COG7: variants seen among roughly 807,000 people sequenced by gnomAD.
The protein encoded by COG7 is component of oligomeric golgi complex 7.
COG7 carries 49 observed loss-of-function variants against 91.5 expected under a neutral mutation model. The observed-to-expected ratio is 0.54, with a 90% CI of 0.43 to 0.68. COG7 has a LOEUF of 0.68. COG7 is among the 30% of genes least tolerant of loss of function. COG7 has a pLI of 0.00. For missense variants in COG7, 895 were observed against 961.3 expected (o/e 0.93, Z 0.91); for synonymous variants, 365 against 388.7 (o/e 0.94, Z 0.72).
intron 15 of COG7, 110 bp from the exon 16 acceptor site, chr16:23,392,633 A>G: frequency 7.4e-7 from 1 of 1,343,724 alleles, no homozygotes; most frequent in Non-Finnish European, 1.1e-6. Flanking sequence ...GAAACCGAAA[A>G]CAGTTACATC....
intron 3 of COG7, among the ~76,000 whole-genome samples, chr16:23,444,416 C>A (rs1419482879): frequency 6.6e-6 from 1 of 151,952 alleles, no homozygotes; most frequent in African/African-American, 2.4e-5. Flanking sequence ...CCACCAAGTC[C>A]CCAAGGTATA....
In COG7 at chr16:23,433,562, T is replaced by C; in HGVS notation, c.793A>G (p.Ile265Val). 6.2e-7 allele frequency: 1 copy of C among 1,614,014 alleles called. No homozygotes were observed. The change falls in exon 6 of 17, where the codon ATC (isoleucine) becomes GTC (valine). Residue 265 changes from isoleucine to valine, a missense_variant. Transcript: ENST00000307149. Reference protein sequence around the residue: ...DALLGAWHTQIQWATQVFQKP... With the variant: ...DALLGAWHTQVQWATQVFQKP... ...GCTGTTACCTGTGTAGCCCACTGGATTTGTGTGTGCCAAGCACCAAGCAAG... is the reference window on the plus strand; with the variant it reads ...GCTGTTACCTGTGTAGCCCACTGGACTTGTGTGTGCCAAGCACCAAGCAAG...
At chr16:23,442,798 G>A (rs991972132) in intron 3 of COG7, among the ~76,000 whole-genome samples, 153 bp from the exon 4 acceptor site, 7 of 152,180 alleles carry the variant, frequency 4.6e-5, no homozygotes, top group Non-Finnish European at 8.8e-5. Flanking sequence ...CACTTTCGGA[G>A]ATTGAGGCAG....
chr16:23,398,000 T>C (rs1963311916), intron 14 of COG7, 46 bp downstream of exon 14: 2 of 1,479,016 alleles, frequency 1.4e-6, no homozygotes, highest in Non-Finnish European at 1.9e-6. Flanking sequence ...ACAAGGAAGG[T>C]CTGAAAGACT....
intron 10 of COG7, among the ~76,000 whole-genome samples, chr16:23,411,757 T>G (rs1963566000): frequency 6.6e-6 from 1 of 152,162 alleles, no homozygotes; most frequent in Non-Finnish European, 1.5e-5. Flanking sequence ...AAGAACCACA[T>G]GTGTCACGGG....
chr16:23,414,682 C>G (rs1963624122), intron 9 of COG7: 1 of 152,222 alleles, frequency 6.6e-6, no homozygotes, highest in Non-Finnish European at 1.5e-5. Flanking sequence ...ACTTTAAGCT[C>G]TGGGAGAACA....
At chr16:23,452,698 G>A (rs1420044740) in intron 1 of COG7, 128 bp downstream of exon 1, 27 of 1,466,014 alleles carry the variant, frequency 1.8e-5, no homozygotes, top group Non-Finnish European at 2.3e-5. Flanking sequence ...TTCGGGGCTT[G>A]CTCTTTTGCC....
intron 14 of COG7, among the ~76,000 whole-genome samples, chr16:23,397,760 TCAGAATTTCC>T: frequency 6.6e-6 from 1 of 152,276 alleles, no homozygotes; most frequent in Non-Finnish European, 1.5e-5. Flanking sequence ...TCTTCCCAAG[TCAGAATTTCC>T]CATTAGACTC....
At chr16:23,392,625 A>C in intron 15 of COG7, 102 bp from the exon 16 acceptor site, 1 of 1,420,856 alleles carries the variant, frequency 7.0e-7, no homozygotes, top group Non-Finnish European at 9.9e-7. Flanking sequence ...AAACACAGGA[A>C]ACCGAAAACA....
chr16:23,429,725 C>G lies in COG7; in HGVS notation c.810+3820G>C, dbSNP rs532931931. Among the ~76,000 whole-genome samples the G allele has an allele frequency of 1.3e-3, 196 of 152,124 alleles. 1 individual carries two copies. The highest frequency in any genetic ancestry group is 9.1e-3 in the South Asian group (44 of 4,824). ...GTTGCAGTGAGCCAAGATCGTGCCACTGTACTCCAGCCTCGGCAACAACAG... is the reference window on the plus strand; with the variant it reads ...GTTGCAGTGAGCCAAGATCGTGCCAGTGTACTCCAGCCTCGGCAACAACAG... On this transcript the variant is annotated intron_variant, in intron 6 of 16. Coordinates refer to ENST00000307149, the MANE Select transcript of COG7 (RefSeq NM_153603.4).
chr16:23,421,603 A>C (rs1963756933), intron 7 of COG7, among the ~76,000 whole-genome samples: 1 of 152,072 alleles, frequency 6.6e-6, no homozygotes, highest in Non-Finnish European at 1.5e-5. Flanking sequence ...TGAAAAACTA[A>C]AATGGCATAT....
chr16:23,434,583 A>G (rs1246650577), intron 5 of COG7, 53 bp downstream of exon 5: 1 of 1,295,312 alleles, frequency 7.7e-7, no homozygotes, highest in African/African-American at 1.5e-5. Context: ...TCTGTGACCC[A>G]GAGTTATGAG....
At chr16:23,423,917 C>T (rs551094654) in intron 7 of COG7, among the ~76,000 whole-genome samples, 13 of 152,312 alleles carry the variant, frequency 8.5e-5, no homozygotes, top group East Asian at 7.7e-4. Context: ...TGCTCTCAGT[C>T]GGCCACCGGG....
At chr16:23,428,171 C>A (rs193298787) in intron 6 of COG7, among the ~76,000 whole-genome samples, 2 of 151,156 alleles carry the variant, frequency 1.3e-5, no homozygotes, top group Non-Finnish European at 1.5e-5. Context: ...AGTGAAACCC[C>A]ATATCTACTA....
chr16:23,423,619 G>A (rs978442020), intron 7 of COG7, among the ~76,000 whole-genome samples: 3 of 152,102 alleles, frequency 2.0e-5, no homozygotes, highest in Admixed American at 6.5e-5. Flanking sequence ...CAAAAACACC[G>A]ATGAGTCATC....
Position 23,417,125 on chromosome 16 carries a change from G to A in COG7, c.1138-4C>T, listed in dbSNP as rs369124305. 7 of 1,614,206 alleles carry A rather than the reference G, an allele frequency of 4.3e-6. No homozygotes were observed. Among genetic ancestry groups the A allele is most frequent in the African/African-American group, 2.7e-5 (2 of 75,058 alleles). Reference sequence around the variant, plus strand: ...AGTCAATCACTTCCCCATGCTCCTGGTCAGCAAATACAGACAAAGCTGCAT... The same window carrying A: ...AGTCAATCACTTCCCCATGCTCCTGATCAGCAAATACAGACAAAGCTGCAT... On this transcript the variant is annotated splice_polypyrimidine_tract_variant and splice_region_variant and intron_variant, in intron 8 of 16. Coordinates refer to ENST00000307149, the MANE Select transcript of COG7 (RefSeq NM_153603.4).
chr16:23,447,240 C>T (rs1278768741), intron 1 of COG7: 1 of 151,900 alleles, frequency 6.6e-6, no homozygotes, highest in Non-Finnish European at 1.5e-5. Context: ...GAGACAGAGT[C>T]TCCCTCTGTC....
At chr16:23,425,068 G>T (rs1251667332) in intron 6 of COG7, 121 bp from the exon 7 acceptor site, 1 of 820,244 alleles carries the variant, frequency 1.2e-6, no homozygotes, top group African/African-American at 1.7e-5. Context: ...CCAGCACCTT[G>T]GGAGGCCAAG....
intron 4 of COG7, among the ~76,000 whole-genome samples, chr16:23,435,931 T>C (rs567057395): frequency 3.9e-5 from 6 of 152,342 alleles, no homozygotes; most frequent in Admixed American, 3.9e-4. Flanking sequence ...TGAATCTTCC[T>C]GTTACATTTA....
Sources: allele counts gnomAD v4.1 joint callset (sites outside exome capture counted in the v4.1 genomes callset), GRCh38; gene constraint gnomAD v4.1.1; transcripts MANE v1.5; gene names NCBI Gene and HGNC (gene_info 2026-07-23, HGNC 2026-07-21).